The following AAGAB variants were observed in gnomAD, a reference collection of about 807,000 sequenced individuals.
The protein encoded by AAGAB is alpha and gamma adaptin binding protein.
A neutral mutation model predicts 44.1 loss-of-function variants in AAGAB; 38 were observed. The observed-to-expected ratio is 0.86, with a 90% CI of 0.67 to 1.13. The LOEUF (loss-of-function observed/expected upper bound fraction) is 1.13, where lower values mean the gene tolerates loss of function less well. AAGAB is among the 50% of genes most tolerant of loss of function. The probability of loss-of-function intolerance (pLI) is 0.00; values close to 1 mark genes in which losing one functional copy is unlikely to be tolerated. For missense variants in AAGAB, 450 were observed against 373.8 expected (o/e 1.20, Z -1.68); for synonymous variants, 131 against 131.8 (o/e 0.99, Z 0.04).
chr15:67,211,434 A>C (rs1420131220), intron 5 of AAGAB, among the ~76,000 whole-genome samples: 1 of 152,214 alleles, frequency 6.6e-6, no homozygotes, highest in Non-Finnish European at 1.5e-5. Flanking sequence ...CGAGAGAAGC[A>C]GATCCATGCA....
rs1963599855 is a variant in AAGAB at position 67,202,907 on chromosome 15, A to G, written c.871-9T>C. 12 of 1,613,934 alleles carry G rather than the reference A, an allele frequency of 7.4e-6. No individual in the cohort carries two copies. The highest frequency in any genetic ancestry group is 1.3e-5 in the African/African-American group (1 of 75,020). On this transcript the variant is annotated splice_polypyrimidine_tract_variant and intron_variant, in intron 9 of 9. Coordinates refer to ENST00000261880, the MANE Select transcript of AAGAB (RefSeq NM_024666.5). ...CAGAATGCTTTGGCCACCTGTGGAG[A>G]GAAGCATGCAACAAATTTTAGGCAA...
At chr15:67,234,778 C>T (rs1323486011) in intron 4 of AAGAB, among the ~76,000 whole-genome samples, 1 of 152,134 alleles carries the variant, frequency 6.6e-6, no homozygotes, top group Admixed American at 6.5e-5. Context: ...CACAGGCTCA[C>T]ATACACAAAA....
chr15:67,216,918 T>A (rs1443177186), intron 5 of AAGAB, among the ~76,000 whole-genome samples: 17 of 152,152 alleles, frequency 1.1e-4, no homozygotes, highest in Admixed American at 1.1e-3. Flanking sequence ...CATGATTCAT[T>A]TGCTTACAGT....
intron 5 of AAGAB, among the ~76,000 whole-genome samples, chr15:67,231,036 A>G (rs903511070): frequency 1.3e-5 from 2 of 152,076 alleles, no homozygotes; most frequent in Non-Finnish European, 2.9e-5. Context: ...TAGTGACCCT[A>G]GAATACACAA....
At chr15:67,207,122 G>C (rs760558844) in intron 7 of AAGAB, among the ~76,000 whole-genome samples, 3 of 152,190 alleles carry the variant, frequency 2.0e-5, no homozygotes, top group Non-Finnish European at 4.4e-5. Flanking sequence ...CCCAGGAAGC[G>C]AGATTGCGGT....
intron 5 of AAGAB, among the ~76,000 whole-genome samples, chr15:67,225,189 C>A (rs1036809095): frequency 6.6e-6 from 1 of 152,186 alleles, no homozygotes; most frequent in African/African-American, 2.4e-5. Context: ...CGTTTGAGAA[C>A]TGATGAGCTA....
At chr15:67,247,650 C>A (rs1018042030) in intron 1 of AAGAB, among the ~76,000 whole-genome samples, 1 of 152,132 alleles carries the variant, frequency 6.6e-6, no homozygotes, top group East Asian at 1.9e-4. Context: ...TGAAAGGACA[C>A]CTTATAATCA....
upstream of AAGAB, chr15:67,254,870 C>T (rs1205163898): frequency 3.1e-6 from 5 of 1,610,984 alleles, no homozygotes; most frequent in Admixed American, 1.7e-5. Context: ...CGCGCCTCCG[C>T]GGAGGTAGCC....
intron 1 of AAGAB, among the ~76,000 whole-genome samples, chr15:67,241,040 T>TACACAC (rs10525823): frequency 0.17 from 24,897 of 147,048 alleles, 2,158 homozygotes; most frequent in Admixed American, 0.24. Flanking sequence ...TCTGTTCTCC[T>TACACAC]ACACACACAC....
chr15:67,231,697 G>C, intron 5 of AAGAB, 117 bp downstream of exon 5: 1 of 826,574 alleles, frequency 1.2e-6, no homozygotes, highest in Non-Finnish European at 1.9e-6. Context: ...TCAGCGAACT[G>C]AAATTGGAAC....
At chr15:67,209,431 GA>G (rs1171456199) in intron 6 of AAGAB, 30 bp downstream of exon 6, 1 of 1,552,994 alleles carries the variant, frequency 6.4e-7, no homozygotes, top group Admixed American at 1.7e-5. Context: ...TAAAGCCAAA[GA>G]GGGAAAAAAG....
intron 4 of AAGAB, among the ~76,000 whole-genome samples, chr15:67,233,635 C>T (rs1438858568): frequency 3.3e-5 from 5 of 152,204 alleles, no homozygotes; most frequent in African/African-American, 1.2e-4. Context: ...TGAATTTGAA[C>T]CCAGGCTCTG....
At chr15:67,227,843 C>T (rs1303421884) in intron 5 of AAGAB, among the ~76,000 whole-genome samples, 1 of 152,154 alleles carries the variant, frequency 6.6e-6, no homozygotes, top group Non-Finnish European at 1.5e-5. Context: ...TTCATTGTAT[C>T]TTCATACCAC....
At chr15:67,211,647 T>C (rs888685218) in intron 5 of AAGAB, among the ~76,000 whole-genome samples, 1 of 152,282 alleles carries the variant, frequency 6.6e-6, no homozygotes, top group Admixed American at 6.5e-5. Flanking sequence ...AATATCTGAG[T>C]AATAAACTAC....
At chr15:67,225,355 A>T (rs939711134) in intron 5 of AAGAB, among the ~76,000 whole-genome samples, 5 of 152,112 alleles carry the variant, frequency 3.3e-5, no homozygotes, top group Non-Finnish European at 7.4e-5. Context: ...TACTATTACC[A>T]TTATTATCAT....
At chr15:67,213,579 A>AT (rs1202808629) in intron 5 of AAGAB, among the ~76,000 whole-genome samples, 3 of 151,926 alleles carry the variant, frequency 2.0e-5, no homozygotes, top group South Asian at 2.1e-4. Context: ...CTTTTTTCTG[A>AT]TTTTTTCCCT....
At chr15:67,254,827 C>A, upstream of AAGAB, 1 of 1,514,966 alleles carries the variant, frequency 6.6e-7, no homozygotes, top group East Asian at 2.4e-5. Context: ...TGGGGACGAG[C>A]GGCTCCGGCT....
intron 5 of AAGAB, among the ~76,000 whole-genome samples, chr15:67,228,342 C>A (rs144421246): frequency 1.3e-3 from 200 of 152,288 alleles, no homozygotes; most frequent in African/African-American, 4.7e-3. Context: ...ATGGTAAATG[C>A]TCAACAAGGA....
chr15:67,245,234 T>C lies in AAGAB; in HGVS notation c.74-8414A>G, dbSNP rs550860211. 8.5e-5 allele frequency among the ~76,000 whole-genome samples: 13 copies of C among 152,258 alleles called. 1 individual carries two copies. In the South Asian group the frequency reaches 2.3e-3, roughly 27 times the overall value. On this transcript the variant is annotated intron_variant, in intron 1 of 9. Transcript: ENST00000261880. Reference sequence around the variant, plus strand: ...ATGTTCATAACAGCATTATTCACAATAGCCAAAAAGTGGAAACAATCCAAA... The same window carrying C: ...ATGTTCATAACAGCATTATTCACAACAGCCAAAAAGTGGAAACAATCCAAA...
Sources: allele counts gnomAD v4.1 joint callset (sites outside exome capture counted in the v4.1 genomes callset), GRCh38; gene constraint gnomAD v4.1.1; transcripts MANE v1.5; gene names NCBI Gene and HGNC (gene_info 2026-07-23, HGNC 2026-07-21).